Variants in PLCZ1 observed in about 807,000 individuals in gnomAD.
PLCZ1 encodes 1-phosphatidylinositol 4,5-bisphosphate phosphodiesterase zeta-1.
Under a neutral mutation model 76.8 loss-of-function variants are expected in PLCZ1, and 64 were observed. The observed-to-expected ratio is 0.83, with a 90% confidence interval of 0.68 to 1.03. The LOEUF (loss-of-function observed/expected upper bound fraction) is 1.03. PLCZ1 is among the 50% of genes least tolerant of loss of function. The pLI, the probability that PLCZ1 is intolerant of heterozygous loss-of-function variation, is 0.00. For missense variants in PLCZ1, 751 were observed against 713.7 expected (o/e 1.05, Z -0.60); for synonymous variants, 248 against 230.8 (o/e 1.07, Z -0.68).
intron 7 of PLCZ1, 46 bp from the exon 8 acceptor site, chr12:18,701,822 T>C: frequency 1.3e-6 from 2 of 1,560,376 alleles, no homozygotes; most frequent in Non-Finnish European, 1.7e-6. Flanking sequence ...TACAAGTAAA[T>C]TTGCATTGTA....
intron 14 of PLCZ1, 22 bp downstream of exon 14, chr12:18,684,108 A>G: frequency 1.2e-6 from 2 of 1,609,538 alleles, no homozygotes; most frequent in Non-Finnish European, 1.7e-6. Context: ...TGGTACAATC[A>G]TCTAACTTTT....
At chr12:18,693,684 G>A (rs1954495691) in intron 12 of PLCZ1, 1 of 1,566,414 alleles carries the variant, frequency 6.4e-7, no homozygotes, top group Non-Finnish European at 8.8e-7. Context: ...GGTGGTGAGA[G>A]AGAAATTCAG....
chr12:18,669,498 G>T, the PLCZ1 span, among the ~76,000 whole-genome samples: 3 of 152,144 alleles, frequency 2.0e-5, no homozygotes, highest in South Asian at 2.1e-4. Flanking sequence ...CCATAGACTC[G>T]GTGGCTTAAA....
chr12:18,702,826 T>TTTTG (rs1391671481), intron 7 of PLCZ1, among the ~76,000 whole-genome samples: 5 of 147,566 alleles, frequency 3.4e-5, no homozygotes, highest in African/African-American at 1.3e-4. Flanking sequence ...AACTTTTTTT[T>TTTTG]TTTTTTTTTT....
At chr12:18,647,094 C>A in the PLCZ1 span, among the ~76,000 whole-genome samples, 1 of 150,654 alleles carries the variant, frequency 6.6e-6, no homozygotes, top group Non-Finnish European at 1.5e-5. Context: ...TTTTTTGTTT[C>A]ATGCAGATTT....
intron 12 of PLCZ1, chr12:18,692,914 C>T (rs1365510272): frequency 5.0e-6 from 8 of 1,594,226 alleles, no homozygotes; most frequent in Non-Finnish European, 6.9e-6. Context: ...CCAGATGCTG[C>T]CAGCAAACTG....
intron 6 of PLCZ1, among the ~76,000 whole-genome samples, chr12:18,710,097 T>G (rs1957108747): frequency 6.6e-6 from 1 of 151,220 alleles, no homozygotes; most frequent in Non-Finnish European, 1.5e-5. Flanking sequence ...TTATGTCATC[T>G]GCAAATAAAC....
intron 3 of PLCZ1, among the ~76,000 whole-genome samples, chr12:18,725,452 A>T (rs541802826): frequency 6.6e-6 from 1 of 152,140 alleles, no homozygotes; most frequent in African/African-American, 2.4e-5. Context: ...ATTTTTAACT[A>T]ACTCTAAGAC....
chr12:18,650,712 C>A, the PLCZ1 span, among the ~76,000 whole-genome samples: 1,320 of 14,110 alleles, frequency 0.094, 47 homozygotes, highest in Middle Eastern at 0.21. Flanking sequence ...GTGTATATAT[C>A]TATATATATA....
intron 5 of PLCZ1, among the ~76,000 whole-genome samples, chr12:18,716,917 T>G (rs1449135767): frequency 6.6e-6 from 1 of 152,198 alleles, no homozygotes; most frequent in Non-Finnish European, 1.5e-5. Context: ...CTTTTTCCTT[T>G]TGTAAATATG....
rs11324526 is a variant in PLCZ1, at chr12:18,700,512, C to CAAAAAA, written c.1018-568_1018-563dup. On this transcript the variant is annotated intron_variant, in intron 9 of 14. Coordinates refer to ENST00000266505, the MANE Select transcript of PLCZ1 (RefSeq NM_033123.4). ...GCATAACCAGATCAGAGCCAACGTA[C>CAAAAAA]AAAAAAAAAAAAAAAAAAAAAAAAT... 5.9e-3 allele frequency among the ~76,000 whole-genome samples: 403 copies of CAAAAAA among 67,890 alleles called. 67 individuals carry two copies. The highest frequency in any genetic ancestry group is 0.026 in the South Asian group (29 of 1,114). The allele number at this position is 67,890 out of a possible 152,430, so 44.5% of individuals were successfully genotyped here. A position where few individuals can be genotyped will look rare whatever the true frequency, so the allele number is the denominator to read the frequency against.
At chr12:18,650,163 C>T in the PLCZ1 span, among the ~76,000 whole-genome samples, 2 of 151,928 alleles carry the variant, frequency 1.3e-5, no homozygotes, top group Non-Finnish European at 2.9e-5. Context: ...CCCAAAAGTA[C>T]ACAGGGATCA....
intron 6 of PLCZ1, among the ~76,000 whole-genome samples, chr12:18,705,993 G>A (rs1168740773): frequency 2.6e-5 from 4 of 152,006 alleles, no homozygotes; most frequent in African/African-American, 4.8e-5. Flanking sequence ...TTGGGAGGCC[G>A]AGGCGGGTGG....
At chr12:18,718,916 C>A (rs1344942800) in intron 5 of PLCZ1, among the ~76,000 whole-genome samples, 4 of 152,114 alleles carry the variant, frequency 2.6e-5, no homozygotes. Flanking sequence ...ATAAAATCAG[C>A]AATGCAATGT....
intron 5 of PLCZ1, among the ~76,000 whole-genome samples, chr12:18,713,404 A>G (rs1471345130): frequency 9.2e-5 from 14 of 152,202 alleles, no homozygotes; most frequent in Admixed American, 9.2e-4. Context: ...TCAGAATAGT[A>G]AAATATATTA....
intron 12 of PLCZ1, among the ~76,000 whole-genome samples, chr12:18,688,834 C>T (rs1023488894): frequency 5.3e-5 from 8 of 151,926 alleles, no homozygotes; most frequent in Non-Finnish European, 8.8e-5. Flanking sequence ...AATGTACTGA[C>T]TTAGGCTAAG....
chr12:18,714,737 G>A (rs1484076795), intron 5 of PLCZ1: 1 of 152,072 alleles, frequency 6.6e-6, no homozygotes, highest in African/African-American at 2.4e-5. Context: ...AGACATTTTC[G>A]GCTGCCACAA....
intron 3 of PLCZ1, among the ~76,000 whole-genome samples, chr12:18,728,720 G>A (rs1027032): frequency 0.22 from 34,019 of 151,984 alleles, 3,996 homozygotes; most frequent in East Asian, 0.3. Flanking sequence ...AAAGATTTTC[G>A]AGATAGGTAT....
intron 3 of PLCZ1, among the ~76,000 whole-genome samples, chr12:18,729,009 C>A (rs1958903793): frequency 6.6e-6 from 1 of 152,016 alleles, no homozygotes; most frequent in Non-Finnish European, 1.5e-5. Context: ...TTCTCTCTCT[C>A]TCTCTGAATA....
Sources: gnomAD v4.1 joint callset for allele counts (sites outside exome capture counted in the v4.1 genomes callset) on GRCh38, gnomAD v4.1.1 for gene constraint, MANE v1.5 for transcripts, NCBI Gene and HGNC (gene_info 2026-07-23, HGNC 2026-07-21) for gene names.